The following SLC35A3 variants were observed in gnomAD, a reference collection of about 807,000 sequenced individuals.
The protein encoded by SLC35A3 is solute carrier family 35 member A3.
SLC35A3 carries 26 observed loss-of-function variants against 39.0 expected under a neutral mutation model. The ratio of observed to expected loss-of-function variants is 0.67; its 90% CI spans 0.49 to 0.92. The LOEUF is 0.92. Ranked by LOEUF, SLC35A3 falls within the 40% of genes least tolerant of loss-of-function variation. The pLI, the probability that SLC35A3 is intolerant of heterozygous loss-of-function variation, is 0.00. For missense variants in SLC35A3, 299 were observed against 371.6 expected, an observed-to-expected ratio of 0.80 and a Z score of 1.61; for synonymous variants, 135 against 133.1, an observed-to-expected ratio of 1.01 and a Z score of -0.10.
At chr1:100,004,893 CA>C (rs934508808) in intron 3 of SLC35A3, among the ~76,000 whole-genome samples, 9 of 151,936 alleles carry the variant, frequency 5.9e-5, no homozygotes, top group African/African-American at 2.2e-4. Context: ...CGCACTCTAC[CA>C]TGCCTGTGCA....
intron 1 of SLC35A3, among the ~76,000 whole-genome samples, chr1:99,972,081 A>G (rs939101478): frequency 6.6e-6 from 1 of 151,850 alleles, no homozygotes; most frequent in Non-Finnish European, 1.5e-5. Context: ...TTGTAGTTTT[A>G]GTTGAGACGG....
At chr1:99,973,132 C>G (rs1656916501) in intron 1 of SLC35A3, among the ~76,000 whole-genome samples, 1 of 152,156 alleles carries the variant, frequency 6.6e-6, no homozygotes, top group African/African-American at 2.4e-5. Context: ...AACTTTTGAG[C>G]TTTTCCTTTC....
At chr1:99,993,414 T>C (rs1338014838) in intron 1 of SLC35A3, 123 bp from the exon 2 acceptor site, 2 of 679,654 alleles carry the variant, frequency 2.9e-6, no homozygotes, top group Non-Finnish European at 4.7e-6. Flanking sequence ...TCTTTTTTCT[T>C]TTTGGTGGCA....
In SLC35A3 at chr1:99,993,542, TG is replaced by T; in HGVS notation, c.-12del. 6.2e-7 allele frequency: 1 copy of T among 1,613,398 alleles called. No individual in the cohort carries two copies. Among genetic ancestry groups the T allele is most frequent in the Non-Finnish European group, 8.5e-7 (1 of 1,179,640 alleles). ...CTGTTTATTTTGTTTTTCAGGCAAA[TG>T]AAGATAAAACAATGTTCGCCAACCT... On this transcript the variant is annotated 5_prime_UTR_variant, in exon 2 of 8. The change abolishes an upstream ATG in the 5' untranslated region. Coordinates refer to ENST00000533028, the MANE Select transcript of SLC35A3 (RefSeq NM_012243.3).
chr1:100,014,107 C>T (rs529570367), intron 5 of SLC35A3, among the ~76,000 whole-genome samples: 1 of 152,220 alleles, frequency 6.6e-6, no homozygotes, highest in African/African-American at 2.4e-5. Flanking sequence ...AGTTAACTTT[C>T]TCTAACAGTG....
chr1:100,026,484 CAT>C lies in SLC35A3; in HGVS notation c.*4009_*4010del, dbSNP rs1660917912. Reference sequence around the variant, plus strand: ...TTCCTGTAATTCACAACTGTAGACACATGGGCAAAATTAGGATTTTTAAGAAT... The same window carrying C: ...TTCCTGTAATTCACAACTGTAGACACGGGCAAAATTAGGATTTTTAAGAAT... On this transcript the variant is annotated 3_prime_UTR_variant, in exon 8 of 8. Coordinates refer to ENST00000533028, the MANE Select transcript of SLC35A3 (RefSeq NM_012243.3). The C allele has an allele frequency of 6.6e-6, 1 of 152,122 alleles. No homozygotes were observed. The highest frequency in any genetic ancestry group is 2.4e-5 in the African/African-American group (1 of 41,426). The allele number at this position is 152,122 out of a possible 1,614,324, so 9.4% of individuals were successfully genotyped here. A position where few individuals can be genotyped will look rare whatever the true frequency, so the allele number is the denominator to read the frequency against.
In SLC35A3 at chr1:100,015,438, T is replaced by A; in HGVS notation, c.753+18T>A. Reference sequence around the variant, plus strand: ...TTCTTCAGGTAAAGCATTTAAAGTCTTAGATTTAATGCTAATAAACTGTAT... The same window carrying A: ...TTCTTCAGGTAAAGCATTTAAAGTCATAGATTTAATGCTAATAAACTGTAT... On this transcript the variant is annotated intron_variant, in intron 6 of 7. Coordinates refer to ENST00000533028, the MANE Select transcript of SLC35A3 (RefSeq NM_012243.3). 1.3e-6 allele frequency: 2 copies of A among 1,590,328 alleles called. No homozygotes were observed. The highest frequency in any genetic ancestry group is 1.7e-6 in the Non-Finnish European group (2 of 1,172,154).
At chr1:100,017,907 A>C (rs1047741666) in intron 7 of SLC35A3, 92 bp downstream of exon 7, 6 of 648,324 alleles carry the variant, frequency 9.3e-6, no homozygotes, top group African/African-American at 3.8e-5. Flanking sequence ...TTGAAGAAGC[A>C]CTGAAATATA....
At chr1:99,995,825 C>T (rs1053925288) in intron 2 of SLC35A3, among the ~76,000 whole-genome samples, 1 of 152,048 alleles carries the variant, frequency 6.6e-6, no homozygotes, top group South Asian at 2.1e-4. Flanking sequence ...CTGTTGCATT[C>T]CCAATATTTA....
chr1:100,024,673 C>T lies in SLC35A3; in HGVS notation c.*2197C>T. 2.9e-6 allele frequency: 1 copy of T among 345,206 alleles called. No homozygotes were observed. The highest frequency in any genetic ancestry group is 5.1e-6 in the Non-Finnish European group (1 of 195,850). 21.4% of individuals were successfully genotyped at this position (345,206 alleles called of 1,614,324 possible). A position where few individuals can be genotyped will look rare whatever the true frequency, so the allele number is the denominator to read the frequency against. On this transcript the variant is annotated 3_prime_UTR_variant, in exon 8 of 8. Transcript: ENST00000533028. Reference sequence around the variant, plus strand: ...CTCACTTTGTCGCCAGGCTGGAGTGCTGTGGCGCGATCTCGGCTTACTGCA... The same window carrying T: ...CTCACTTTGTCGCCAGGCTGGAGTGTTGTGGCGCGATCTCGGCTTACTGCA...
chr1:100,016,534 C>T (rs550254869), intron 6 of SLC35A3, among the ~76,000 whole-genome samples: 1 of 151,902 alleles, frequency 6.6e-6, no homozygotes, highest in Non-Finnish European at 1.5e-5. Context: ...CCACCAAGCC[C>T]AGCTAATTTT....
At chr1:99,991,817 C>T (rs959983375) in intron 1 of SLC35A3, among the ~76,000 whole-genome samples, 2 of 152,154 alleles carry the variant, frequency 1.3e-5, no homozygotes, top group African/African-American at 2.4e-5. Flanking sequence ...GGCATGATCT[C>T]GGCTCACTGC....
In SLC35A3 at chr1:100,015,175, AAAG is replaced by A. The variant is rs1375225254; in HGVS notation, c.635-124_635-122del. The A allele has an allele frequency of 2.1e-5, 21 of 991,032 alleles. No homozygotes were observed. The African/African-American group carries it at 2.4e-4, about 11-fold the overall frequency. The allele number at this position is 991,032 out of a possible 1,614,324, so 61.4% of individuals were successfully genotyped here. A position where few individuals can be genotyped will look rare whatever the true frequency, so the allele number is the denominator to read the frequency against. On this transcript the variant is annotated intron_variant, in intron 5 of 7. Transcript: ENST00000533028. Reference sequence around the variant, plus strand: ...TCCGTCTCAAAAAAAAAAAAAAAAAAAAGAAAGTAATCTAATTTTATCAAAAAG... The same window carrying A: ...TCCGTCTCAAAAAAAAAAAAAAAAAAAAAGTAATCTAATTTTATCAAAAAG...
chr1:100,004,409 A>G (rs548738816), intron 3 of SLC35A3, among the ~76,000 whole-genome samples: 4 of 152,250 alleles, frequency 2.6e-5, no homozygotes, highest in Non-Finnish European at 4.4e-5. Flanking sequence ...GGCTCAAGCC[A>G]TCTTCCCTCA....
At chr1:100,017,332 A>C (rs149318256) in intron 6 of SLC35A3, among the ~76,000 whole-genome samples, 340 of 152,326 alleles carry the variant, frequency 2.2e-3, no homozygotes, top group African/African-American at 7.7e-3. Flanking sequence ...TCAAAAGTAA[A>C]AATATTTCAC....
At chr1:100,000,877 T>TG (rs1646863676) in intron 3 of SLC35A3, 1 of 152,108 alleles carries the variant, frequency 6.6e-6, no homozygotes, top group African/African-American at 2.4e-5. Context: ...ATTTTGGGTT[T>TG]TTTTTTTATA....
At position 100,035,082 on chromosome 1, in the gene SLC35A3, G is replaced by A. The variant is rs913561355; in HGVS notation, c.*12606G>A. The A allele has an allele frequency of 1.3e-5, 2 of 152,136 alleles. 1 individual carries two copies. Among genetic ancestry groups the A allele is most frequent in the Non-Finnish European group, 2.9e-5 (2 of 68,032 alleles). The allele number at this position is 152,136 out of a possible 1,614,324, so 9.4% of individuals were successfully genotyped here. A position where few individuals can be genotyped will look rare whatever the true frequency, so the allele number is the denominator to read the frequency against. On this transcript the variant is annotated 3_prime_UTR_variant, in exon 8 of 8. Transcript: ENST00000533028. ...ATACGGTCATCCCTCCATATGAGGA[G>A]GGGAGTGGGAATTGGTTGTGGGACT...
intron 1 of SLC35A3, among the ~76,000 whole-genome samples, chr1:99,975,985 A>G (rs1461629204): frequency 6.6e-6 from 1 of 152,146 alleles, no homozygotes; most frequent in Non-Finnish European, 1.5e-5. Context: ...GCCTGAGCCC[A>G]GTAGGTTGAG....
chr1:99,976,974 T>TG (rs1224333266), intron 1 of SLC35A3, among the ~76,000 whole-genome samples: 4 of 151,654 alleles, frequency 2.6e-5, no homozygotes, highest in East Asian at 1.9e-4. Flanking sequence ...AAATAAAAGT[T>TG]GGGGAAAAAA....
Sources: allele counts gnomAD v4.1 joint callset (sites outside exome capture counted in the v4.1 genomes callset), GRCh38; gene constraint gnomAD v4.1.1; transcripts MANE v1.5; gene names NCBI Gene and HGNC (gene_info 2026-07-23, HGNC 2026-07-21).